The following ZMAT4 variants were observed in gnomAD, a reference collection of about 807,000 sequenced individuals.
The protein encoded by ZMAT4 is zinc finger matrin-type 4.
Under a neutral mutation model 28.7 loss-of-function variants are expected in ZMAT4, and 17 were observed. The observed-to-expected ratio is 0.59, with a 90% confidence interval of 0.41 to 0.89. The LOEUF (loss-of-function observed/expected upper bound fraction) is 0.89, where lower values mean the gene tolerates loss of function less well. Ranked by LOEUF, ZMAT4 falls within the 40% of genes least tolerant of loss-of-function variation. The pLI is 0.00. For missense variants in ZMAT4, 240 were observed against 283.8 expected, an observed-to-expected ratio of 0.85 and a Z score of 1.11; for synonymous variants, 117 against 109.2, an observed-to-expected ratio of 1.07 and a Z score of -0.44.
At chr8:40,588,274 A>G (rs1413111158) in intron 5 of ZMAT4, among the ~76,000 whole-genome samples, 1 of 152,090 alleles carries the variant, frequency 6.6e-6, no homozygotes, top group Non-Finnish European at 1.5e-5. Context: ...AAAGTGACAA[A>G]TTAGATTTTA....
At chr8:40,767,542 T>A (rs1008081905) in intron 3 of ZMAT4, 99 bp downstream of exon 3, 90 of 962,040 alleles carry the variant, frequency 9.4e-5, no homozygotes, top group Non-Finnish European at 1.3e-4. Flanking sequence ...TCACTCAGCT[T>A]TTCTATGAAT....
Position 40,897,750 on chromosome 8 carries a change from G to A in ZMAT4, c.-72C>T, listed in dbSNP as rs1207807090. On this transcript the variant is annotated 5_prime_UTR_variant, in exon 1 of 7. Coordinates refer to ENST00000297737, the MANE Select transcript of ZMAT4 (RefSeq NM_024645.3). The stretch of plus-strand genomic sequence containing the variant: ...CTGCCCTGCCGAGCAGTAGAGCGAA[G>A]CTGTGGGCTGGAGCACGCTGAGGAT... The A allele has an allele frequency of 3.9e-5, 6 of 152,268 alleles. No individual in the cohort carries two copies. The highest frequency in any genetic ancestry group is 1.4e-4 in the African/African-American group (6 of 41,460). 9.4% of individuals were successfully genotyped at this position (152,268 alleles called of 1,614,324 possible).
intron 1 of ZMAT4, among the ~76,000 whole-genome samples, chr8:40,851,952 A>G (rs1467054320): frequency 6.6e-6 from 1 of 152,142 alleles, no homozygotes; most frequent in East Asian, 1.9e-4. Context: ...GCTGGAGTGG[A>G]GTGGCAAAAT....
At chr8:40,551,163 A>G (rs1315796078) in intron 6 of ZMAT4, among the ~76,000 whole-genome samples, 1 of 152,222 alleles carries the variant, frequency 6.6e-6, no homozygotes, top group Admixed American at 6.5e-5. Flanking sequence ...CTTAGCACAT[A>G]GTAGATAATA....
chr8:40,833,243 A>G (rs1422159256), intron 1 of ZMAT4, among the ~76,000 whole-genome samples: 2 of 108 alleles, frequency 0.019, no homozygotes, highest in Non-Finnish European at 0.042. Flanking sequence ...TTAGAGGGGA[A>G]AAAAAAACAG....
At chr8:40,785,589 A>G (rs1334408458) in intron 2 of ZMAT4, among the ~76,000 whole-genome samples, 1 of 152,102 alleles carries the variant, frequency 6.6e-6, no homozygotes, top group East Asian at 1.9e-4. Context: ...GGATTCTATA[A>G]TTTCTTCCTG....
intron 3 of ZMAT4, among the ~76,000 whole-genome samples, chr8:40,744,381 G>A (rs1369682562): frequency 2.0e-5 from 3 of 152,200 alleles, no homozygotes; most frequent in Non-Finnish European, 2.9e-5. Context: ...CAGGTGTCCA[G>A]CTGGCTTAGT....
intron 1 of ZMAT4, among the ~76,000 whole-genome samples, chr8:40,828,838 A>G (rs1816173714): frequency 6.6e-6 from 1 of 152,168 alleles, no homozygotes. Flanking sequence ...TTTATCATGC[A>G]GAGACTGGAA....
rs530111658 is a variant in ZMAT4, at chr8:40,886,440, G to T, written c.-5+11243C>A. 3.4e-3 allele frequency among the ~76,000 whole-genome samples: 513 copies of T among 152,342 alleles called. 1 individual carries two copies. The highest frequency in any genetic ancestry group is 0.012 in the African/African-American group (487 of 41,584). On this transcript the variant is annotated intron_variant, in intron 1 of 6. Transcript: ENST00000297737. Reference sequence around the variant, plus strand: ...AGCCCAGGAAGGGTGAGTGGACGGTGCAGCACAGCAGACGGCGCACAGGCT... The same window carrying T: ...AGCCCAGGAAGGGTGAGTGGACGGTTCAGCACAGCAGACGGCGCACAGGCT...
chr8:40,723,565 A>AAAAAAAAAT (rs1811196386), intron 3 of ZMAT4, among the ~76,000 whole-genome samples: 1 of 149,212 alleles, frequency 6.7e-6, no homozygotes. Flanking sequence ...AAAAAAAAAA[A>AAAAAAAAAT]GATTGGGTAT....
At chr8:40,714,830 C>A (rs1810773841) in intron 3 of ZMAT4, among the ~76,000 whole-genome samples, 1 of 152,040 alleles carries the variant, frequency 6.6e-6, no homozygotes, top group Admixed American at 6.5e-5. Flanking sequence ...GCTGGCGGAT[C>A]ATGAGGTCAG....
intron 2 of ZMAT4, among the ~76,000 whole-genome samples, chr8:40,818,431 G>C (rs1815626679): frequency 1.3e-5 from 2 of 152,308 alleles, no homozygotes; most frequent in South Asian, 4.1e-4. Flanking sequence ...TATCATATCA[G>C]AAGTATTATC....
At chr8:40,887,168 C>T (rs1818485252) in intron 1 of ZMAT4, among the ~76,000 whole-genome samples, 1 of 100,506 alleles carries the variant, frequency 9.9e-6, no homozygotes, top group South Asian at 3.6e-4. Flanking sequence ...AAGACTCCGT[C>T]TCAAAAAAAA....
chr8:40,630,158 T>C (rs950105013), intron 5 of ZMAT4, among the ~76,000 whole-genome samples: 8 of 152,366 alleles, frequency 5.3e-5, no homozygotes, highest in Admixed American at 4.6e-4. Flanking sequence ...CTCTCTTGTT[T>C]GGACCAAATT....
At chr8:40,876,176 T>C (rs1818035344) in intron 1 of ZMAT4, among the ~76,000 whole-genome samples, 1 of 152,228 alleles carries the variant, frequency 6.6e-6, no homozygotes, top group Non-Finnish European at 1.5e-5. Context: ...TATTTTCTTC[T>C]GTCCCTGCCC....
At chr8:40,677,775 C>G (rs1230087118) in intron 4 of ZMAT4, among the ~76,000 whole-genome samples, 1 of 152,124 alleles carries the variant, frequency 6.6e-6, no homozygotes, top group East Asian at 1.9e-4. Flanking sequence ...TAAAAACATG[C>G]TTTAAAAAAC....
intron 5 of ZMAT4, among the ~76,000 whole-genome samples, chr8:40,601,607 AAAG>A: frequency 2.5e-4 from 2 of 7,882 alleles, no homozygotes; most frequent in African/African-American, 6.1e-4. Flanking sequence ...AGAAAGAAAG[AAAG>A]AAAGAAAGAA....
At chr8:40,557,041 T>C (rs1181623901) in intron 6 of ZMAT4, among the ~76,000 whole-genome samples, 1 of 152,116 alleles carries the variant, frequency 6.6e-6, no homozygotes, top group East Asian at 1.9e-4. Context: ...TCTACCTCCA[T>C]GAGATCAATT....
intron 3 of ZMAT4, among the ~76,000 whole-genome samples, chr8:40,731,183 G>A (rs1811526251): frequency 6.8e-6 from 1 of 146,618 alleles, no homozygotes; most frequent in Non-Finnish European, 1.5e-5. Context: ...TGGTTGGAGG[G>A]CGTTCCAGGG....
Sources: allele counts gnomAD v4.1 joint callset (sites outside exome capture counted in the v4.1 genomes callset), GRCh38; gene constraint gnomAD v4.1.1; transcripts MANE v1.5; gene names NCBI Gene and HGNC (gene_info 2026-07-23, HGNC 2026-07-21).